The following GANC variants were observed in gnomAD, a reference collection of about 807,000 sequenced individuals.
The protein encoded by GANC is glucosidase alpha, neutral C, also known as neutral alpha-glucosidase C.
In GANC, 117 loss-of-function variants were observed where a neutral mutation model predicts 124.2. That is an observed-to-expected ratio of 0.94 (90% CI 0.81 to 1.10). The LOEUF is 1.10. GANC is among the 50% of genes least tolerant of loss of function. GANC has a pLI of 0.00. For missense variants in GANC, 1,140 were observed against 1,095.0 expected (o/e 1.04, Z -0.58); for synonymous variants, 377 against 376.8 (o/e 1.00, Z -0.01).
chr15:42,331,390 C>T (rs2052244416), intron 15 of GANC, among the ~76,000 whole-genome samples: 1 of 152,134 alleles, frequency 6.6e-6, no homozygotes, highest in South Asian at 2.1e-4. Flanking sequence ...TTAAAATAGA[C>T]CTGGCTGTTG....
At chr15:42,333,040 T>TA in intron 15 of GANC, among the ~76,000 whole-genome samples, 1 of 79,232 alleles carries the variant, frequency 1.3e-5, no homozygotes, top group African/African-American at 3.4e-5. Flanking sequence ...ATATATATAT[T>TA]TTTTTTGGTC....
In GANC at chr15:42,352,169, G is replaced by T; in HGVS notation, c.*30G>T. On this transcript the variant is annotated 3_prime_UTR_variant, in exon 24 of 24. Transcript: ENST00000318010. The stretch of plus-strand genomic sequence containing the variant: ...GAACTGCCCCTGGTGATGTGAGCAG[G>T]GACCTGCCTGCCCCTTTCAACCTTT... 1 of 1,613,364 alleles carries T rather than the reference G, an allele frequency of 6.2e-7. No homozygotes were observed.
chr15:42,289,887 T>G (rs2051825049), intron 4 of GANC, among the ~76,000 whole-genome samples: 1 of 152,094 alleles, frequency 6.6e-6, no homozygotes, highest in Non-Finnish European at 1.5e-5. Flanking sequence ...TGGGTGCCCT[T>G]GTAAGAAGAG....
At chr15:42,305,275 A>T (rs1031562789) in intron 6 of GANC, among the ~76,000 whole-genome samples, 2 of 152,232 alleles carry the variant, frequency 1.3e-5, no homozygotes, top group Non-Finnish European at 2.9e-5. Flanking sequence ...AAACAACCCC[A>T]TCAAAAAGTG....
At chr15:42,315,550 G>T (rs1400962324) in intron 10 of GANC, among the ~76,000 whole-genome samples, 1 of 152,210 alleles carries the variant, frequency 6.6e-6, no homozygotes, top group African/African-American at 2.4e-5. Flanking sequence ...ATGTAAAATG[G>T]TTCAGCCATT....
In GANC at chr15:42,343,092, G is replaced by A. The variant is rs1284342997; in HGVS notation, c.2167G>A (p.Val723Ile). 6.2e-7 allele frequency: 1 copy of A among 1,613,858 alleles called. No homozygotes were observed. ...DEYMLGSALL[V>I]HPVTEPKATT... ...CCATTACTTAGGGAGTGCATTATTGGTTCATCCAGTCACAGAACCAAAAGC... is the reference window on the plus strand; with the variant it reads ...CCATTACTTAGGGAGTGCATTATTGATTCATCCAGTCACAGAACCAAAAGC... Residue 723 changes from valine to isoleucine, a missense_variant, in exon 19 of 24, where the codon GTT (valine) becomes ATT (isoleucine). Physicochemically the swap from Val to Ile is conservative, Grantham distance 29. Transcript: ENST00000318010.
rs768928533 is a variant in GANC at position 42,353,395 on chromosome 15, G to A, written c.*1256G>A. On this transcript the variant is annotated 3_prime_UTR_variant, in exon 24 of 24. Coordinates refer to ENST00000318010, the MANE Select transcript of GANC (RefSeq NM_198141.3). ...ACTTTCCCATGAAGCCTAACTGCGTGAACACCCCTACCCCCATACCCATTA... is the reference window on the plus strand; with the variant it reads ...ACTTTCCCATGAAGCCTAACTGCGTAAACACCCCTACCCCCATACCCATTA... The A allele has an allele frequency of 1.3e-5, 13 of 979,018 alleles. No homozygotes were observed. The highest frequency in any genetic ancestry group is 1.5e-5 in the Non-Finnish European group (12 of 823,784). The allele number at this position is 979,018 out of a possible 1,614,324, so 60.6% of individuals were successfully genotyped here.
At position 42,274,439 on chromosome 15, in the gene GANC, C is replaced by T. The variant is rs2051632166; in HGVS notation, c.-43C>T. The T allele has an allele frequency of 1.2e-6, 2 of 1,602,912 alleles. No homozygotes were observed. The highest frequency in any genetic ancestry group is 2.2e-5 in the East Asian group (1 of 44,684). ...CTTTTTTAAAAGATCGCCCAGGGCC[C>T]TTGTCCTGAGAGCTGGGAGCTGGTC... On this transcript the variant is annotated 5_prime_UTR_variant, in exon 1 of 24. Coordinates refer to ENST00000318010, the MANE Select transcript of GANC (RefSeq NM_198141.3).
intron 6 of GANC, 93 bp downstream of exon 6, chr15:42,297,749 G>A (rs1320526494): frequency 1.1e-6 from 1 of 873,014 alleles, no homozygotes; most frequent in African/African-American, 1.7e-5. Flanking sequence ...TCTACAGAAG[G>A]GTGCTTGTTA....
chr15:42,352,077 A>T lies in GANC; in HGVS notation c.2683A>T (p.Ile895Phe). ...VAFTYCAKTSILSLEKLSLNI... is the reference protein window; with the variant it reads ...VAFTYCAKTSFLSLEKLSLNI... The stretch of plus-strand genomic sequence containing the variant: ...TTTTACGTATTGTGCCAAAACATCC[A>T]TCCTGAGCCTGGAGAAGCTCTCACT... The change falls in exon 24 of 24, where the codon ATC (isoleucine) becomes TTC (phenylalanine). Residue 895 changes from isoleucine to phenylalanine, a missense_variant. Transcript: ENST00000318010. The T allele has an allele frequency of 1.2e-6, 2 of 1,614,168 alleles. No homozygotes were observed. The highest frequency in any genetic ancestry group is 1.7e-6 in the Non-Finnish European group (2 of 1,180,008).
At chr15:42,327,681 A>G (rs2052208888) in intron 13 of GANC, among the ~76,000 whole-genome samples, 1 of 152,216 alleles carries the variant, frequency 6.6e-6, no homozygotes, top group Admixed American at 6.5e-5. Flanking sequence ...TCTATGATAT[A>G]TCAAAGTACT....
In GANC at chr15:42,352,492, G is replaced by T; in HGVS notation, c.*353G>T. ...GCCTACCTGGGCAGCCCATTTGCCA[G>T]GGCTTGCCTCAGGCCATGCAGCATT... On this transcript the variant is annotated 3_prime_UTR_variant, in exon 24 of 24. Transcript: ENST00000318010. 9.5e-7 allele frequency: 1 copy of T among 1,053,496 alleles called. No individual in the cohort carries two copies. Among genetic ancestry groups the T allele is most frequent in the Non-Finnish European group, 1.1e-6 (1 of 869,716 alleles). The allele number at this position is 1,053,496 out of a possible 1,614,324, so 65.3% of individuals were successfully genotyped here. A position where few individuals can be genotyped will look rare whatever the true frequency, so the allele number is the denominator to read the frequency against.
intron 15 of GANC, among the ~76,000 whole-genome samples, chr15:42,331,202 G>A (rs937472718): frequency 2.6e-5 from 4 of 152,166 alleles, no homozygotes; most frequent in African/African-American, 9.7e-5. Flanking sequence ...ACAAATTTTA[G>A]TCATTTGATA....
Position 42,297,673 on chromosome 15 carries a change from C to T in GANC, c.558+17C>T. 2 of 1,570,700 alleles carry T rather than the reference C, an allele frequency of 1.3e-6. No individual in the cohort carries two copies. Among genetic ancestry groups the T allele is most frequent in the South Asian group, 1.1e-5 (1 of 88,302 alleles). On this transcript the variant is annotated intron_variant, in intron 6 of 23. Transcript: ENST00000318010. Reference sequence around the variant, plus strand: ...ACCTCTCAGGTAATCTAGATTGATCCATTTATTGTTATCTTTTTCACCATC... The same window carrying T: ...ACCTCTCAGGTAATCTAGATTGATCTATTTATTGTTATCTTTTTCACCATC...
At chr15:42,334,649 T>C (rs1595781895) in intron 15 of GANC, among the ~76,000 whole-genome samples, 1 of 151,872 alleles carries the variant, frequency 6.6e-6, no homozygotes, top group Admixed American at 6.6e-5. Flanking sequence ...ATTTGAAATA[T>C]ACATATACAG....
At chr15:42,326,274 C>A (rs1259932240) in intron 11 of GANC, 24 bp from the exon 12 acceptor site, 4 of 1,553,524 alleles carry the variant, frequency 2.6e-6, no homozygotes, top group Non-Finnish European at 3.5e-6. Context: ...CTGATGAGAC[C>A]TCCAAACCTT....
chr15:42,310,778 T>C lies in GANC; in HGVS notation c.989T>C (p.Ile330Thr). Residue 330 changes from isoleucine to threonine, a missense_variant, in exon 10 of 24, where the codon ATC becomes ACC. Transcript: ENST00000318010. ...GTGCACTGGATGTCAGAGAGTGGCATCATTGATGTTTTTCTGCTGACAGGA... is the reference window on the plus strand; with the variant it reads ...GTGCACTGGATGTCAGAGAGTGGCACCATTGATGTTTTTCTGCTGACAGGA... ...THVHWMSESG[I>T]IDVFLLTGPT... 6.2e-7 allele frequency: 1 copy of C among 1,614,142 alleles called. No individual in the cohort carries two copies. Among genetic ancestry groups the C allele is most frequent in the Non-Finnish European group, 8.5e-7 (1 of 1,180,008 alleles).
chr15:42,344,429 A>G (rs559957216), intron 19 of GANC, among the ~76,000 whole-genome samples: 1 of 152,220 alleles, frequency 6.6e-6, no homozygotes, highest in East Asian at 1.9e-4. Flanking sequence ...TCTTATAAGG[A>G]CACTTGTGGT....
chr15:42,309,156 G>A (rs2141043706), intron 8 of GANC, among the ~76,000 whole-genome samples: 1 of 152,262 alleles, frequency 6.6e-6, no homozygotes, highest in South Asian at 2.1e-4. Context: ...GAGAAACAGA[G>A]TCTGATAAGA....
Sources: gnomAD v4.1 joint callset for allele counts (sites outside exome capture counted in the v4.1 genomes callset) on GRCh38, gnomAD v4.1.1 for gene constraint, MANE v1.5 for transcripts, NCBI Gene and HGNC (gene_info 2026-07-23, HGNC 2026-07-21) for gene names.